DNAI4: variants seen among roughly 807,000 people sequenced by gnomAD.
DNAI4 encodes the protein WD repeat domain 78.
Under a neutral mutation model 105.8 loss-of-function variants are expected in DNAI4, and 85 were observed. The ratio of observed to expected loss-of-function variants is 0.80; its 90% CI spans 0.67 to 0.96. DNAI4 has a LOEUF of 0.96. Among genes scored for constraint, DNAI4 ranks in the 40% least tolerant of loss-of-function variants. DNAI4 has a pLI of 0.00. For missense variants in DNAI4, 1,014 were observed against 1,005.6 expected (o/e 1.01, Z -0.11); for synonymous variants, 352 against 331.5 (o/e 1.06, Z -0.67).
intron 1 of DNAI4, among the ~76,000 whole-genome samples, chr1:66,916,302 T>C (rs1371559984): frequency 4.6e-5 from 7 of 152,166 alleles, no homozygotes; most frequent in Non-Finnish European, 8.8e-5. Context: ...GAAATTGAGA[T>C]TAAATTTTTT....
At chr1:66,858,384 T>A (rs1646548361) in intron 7 of DNAI4, among the ~76,000 whole-genome samples, 1 of 151,084 alleles carries the variant, frequency 6.6e-6, no homozygotes, top group Non-Finnish European at 1.5e-5. Context: ...TACAAAAAAA[T>A]TAGCCGGGCG....
intron 2 of DNAI4, among the ~76,000 whole-genome samples, chr1:66,894,893 T>A (rs562468064): frequency 3.9e-5 from 6 of 152,298 alleles, no homozygotes; most frequent in African/African-American, 1.4e-4. Flanking sequence ...CCTTTAGCAT[T>A]TACATATAAA....
chr1:66,904,258 A>T (rs1649069223), intron 2 of DNAI4, among the ~76,000 whole-genome samples: 1 of 152,090 alleles, frequency 6.6e-6, no homozygotes, highest in African/African-American at 2.4e-5. Context: ...TAGCTGGATG[A>T]TATAGTAGGT....
intron 16 of DNAI4, among the ~76,000 whole-genome samples, chr1:66,819,485 T>C (rs1449819204): frequency 6.6e-6 from 1 of 152,148 alleles, no homozygotes; most frequent in Non-Finnish European, 1.5e-5. Context: ...TTAGAAACCA[T>C]GTCTTTTGCT....
chr1:66,915,789 G>T (rs1650020151), intron 1 of DNAI4, among the ~76,000 whole-genome samples: 1 of 152,020 alleles, frequency 6.6e-6, no homozygotes, highest in Non-Finnish European at 1.5e-5. Context: ...ACAGGTTTTT[G>T]TGTGGTAAGA....
chr1:66,897,062 C>G (rs1177227493), intron 2 of DNAI4, among the ~76,000 whole-genome samples: 10 of 151,998 alleles, frequency 6.6e-5, no homozygotes, highest in Admixed American at 6.6e-4. Flanking sequence ...AAGTCTGAAT[C>G]TTTTTAATTG....
At chr1:66,902,187 G>A (rs540947929) in intron 2 of DNAI4, among the ~76,000 whole-genome samples, 2 of 152,238 alleles carry the variant, frequency 1.3e-5, no homozygotes, top group East Asian at 3.9e-4. Context: ...CTAACAGTAT[G>A]CAAGGGTTTC....
intron 1 of DNAI4, among the ~76,000 whole-genome samples, chr1:66,911,758 TGAAG>T (rs1557983973): frequency 6.6e-6 from 1 of 152,244 alleles, no homozygotes; most frequent in Non-Finnish European, 1.5e-5. Context: ...TTCATACTTG[TGAAG>T]GAAGGAGTCA....
chr1:66,917,212 G>A (rs1650132332), intron 1 of DNAI4, among the ~76,000 whole-genome samples: 1 of 152,146 alleles, frequency 6.6e-6, no homozygotes, highest in African/African-American at 2.4e-5. Context: ...GGAAACTCCT[G>A]TAATTCTGAT....
chr1:66,918,081 G>A (rs1650191486), intron 1 of DNAI4, among the ~76,000 whole-genome samples: 1 of 152,140 alleles, frequency 6.6e-6, no homozygotes, highest in South Asian at 2.1e-4. Context: ...ATCCATGGCT[G>A]GGCTTGGCTT....
At chr1:66,866,484 C>T (rs1158904308) in intron 6 of DNAI4, among the ~76,000 whole-genome samples, 1 of 151,976 alleles carries the variant, frequency 6.6e-6, no homozygotes, top group African/African-American at 2.4e-5. Flanking sequence ...AAATAGGTTG[C>T]CTTCTATGTT....
rs1294166099 is a variant in DNAI4 at position 66,840,494 on chromosome 1, C to T, written c.1469G>A (p.Ser490Asn). Reference sequence around the variant, plus strand: ...TGGATTTGTTTTATTCCAGGCAAGGCTGCTCACATTGAGGCCTTTGGTTAA... The same window carrying T: ...TGGATTTGTTTTATTCCAGGCAAGGTTGCTCACATTGAGGCCTTTGGTTAA... Reference protein sequence around the residue: ...CDLTKGLNVSSLAWNKTNPDL... With the variant: ...CDLTKGLNVSNLAWNKTNPDL... The change falls in exon 9 of 17, where the codon AGC becomes AAC. Residue 490 changes from serine to asparagine, a missense_variant. Ser to Asn is a conservative substitution (Grantham distance 46, BLOSUM62 1). Transcript: ENST00000371026. The T allele has an allele frequency of 1.2e-6, 2 of 1,614,152 alleles. No individual in the cohort carries two copies. The highest frequency in any genetic ancestry group is 1.7e-6 in the Non-Finnish European group (2 of 1,180,014).
intron 7 of DNAI4, among the ~76,000 whole-genome samples, chr1:66,852,082 T>A (rs1453639405): frequency 1.3e-5 from 2 of 151,842 alleles, no homozygotes; most frequent in African/African-American, 4.8e-5. Flanking sequence ...TTACTACAGA[T>A]CCTACAGACG....
At chr1:66,861,791 A>G (rs1174820115) in intron 7 of DNAI4, among the ~76,000 whole-genome samples, 1 of 152,180 alleles carries the variant, frequency 6.6e-6, no homozygotes, top group Non-Finnish European at 1.5e-5. Flanking sequence ...GTTAATGTAT[A>G]AATCCATTTT....
chr1:66,836,143 A>G (rs1160464520), intron 10 of DNAI4, among the ~76,000 whole-genome samples: 1 of 26,024 alleles, frequency 3.8e-5, no homozygotes, highest in Non-Finnish European at 8.4e-5. Flanking sequence ...AAGAAAGAAA[A>G]GAAAGAAAGA....
intron 1 of DNAI4, among the ~76,000 whole-genome samples, chr1:66,915,870 C>A (rs1381627302): frequency 6.6e-6 from 1 of 151,928 alleles, no homozygotes; most frequent in East Asian, 1.9e-4. Context: ...CGTCTGTAAT[C>A]CAACACTTTG....
chr1:66,915,336 C>T (rs551135012), intron 1 of DNAI4, among the ~76,000 whole-genome samples: 1 of 152,290 alleles, frequency 6.6e-6, no homozygotes, highest in Admixed American at 6.5e-5. Context: ...TTACTTTTGC[C>T]TGTGCCCAGG....
chr1:66,887,029 C>T (rs190132283), intron 4 of DNAI4, among the ~76,000 whole-genome samples: 1 of 151,636 alleles, frequency 6.6e-6, no homozygotes, highest in African/African-American at 2.4e-5. Context: ...ACCAAGGCCA[C>T]TAGCTTATCC....
chr1:66,901,942 T>A (rs1648857440), intron 2 of DNAI4, among the ~76,000 whole-genome samples: 1 of 152,142 alleles, frequency 6.6e-6, no homozygotes. Context: ...CCACCACACC[T>A]GGCTAATTTA....
Sources: allele counts gnomAD v4.1 joint callset (sites outside exome capture counted in the v4.1 genomes callset), GRCh38; gene constraint gnomAD v4.1.1; transcripts MANE v1.5; gene names NCBI Gene and HGNC (gene_info 2026-07-23, HGNC 2026-07-21).